Variants in UBE2E1 observed in about 807,000 individuals in gnomAD.
UBE2E1 encodes ubiquitin conjugating enzyme E2 E1.
Under a neutral mutation model 21.4 loss-of-function variants are expected in UBE2E1, and 6 were observed. The observed-to-expected ratio is 0.28, with a 90% confidence interval of 0.15 to 0.55. UBE2E1 has a LOEUF of 0.55. Ranked by LOEUF, UBE2E1 falls within the 20% of genes least tolerant of loss-of-function variation. The pLI, the probability that UBE2E1 is intolerant of heterozygous loss-of-function variation, is 0.93. For synonymous variants in UBE2E1, 87 were observed against 82.7 expected, an observed-to-expected ratio of 1.05 and a Z score of -0.28; for missense variants, 142 against 236.5, an observed-to-expected ratio of 0.60 and a Z score of 2.62.
chr3:23,854,459 G>A (rs1373344500), intron 3 of UBE2E1, among the ~76,000 whole-genome samples: 2 of 152,188 alleles, frequency 1.3e-5, no homozygotes, highest in African/African-American at 4.8e-5. Context: ...TGAGGGGTTA[G>A]TGAGAAACTC....
At chr3:23,854,673 T>C (rs1325569941) in intron 3 of UBE2E1, among the ~76,000 whole-genome samples, 2 of 152,238 alleles carry the variant, frequency 1.3e-5, no homozygotes, top group Non-Finnish European at 2.9e-5. Flanking sequence ...TACATTAGGC[T>C]CTGTCTTATT....
rs370250822 is a variant in UBE2E1, at chr3:23,849,359, C to CT, written c.203+37852dup. Among the ~76,000 whole-genome samples the CT allele has an allele frequency of 2.7e-3, 404 of 152,098 alleles. 4 individuals carry two copies. Among genetic ancestry groups the CT allele is most frequent in the African/African-American group, 8.9e-3 (371 of 41,498 alleles). On this transcript the variant is annotated intron_variant, in intron 3 of 5. Transcript: ENST00000306627. ...TTTTTAAATTTCTTTTTGAATTTTACTTTAAGTTTTGGGATACATGTGCAG... is the reference window on the plus strand; with the variant it reads ...TTTTTAAATTTCTTTTTGAATTTTACTTTTAAGTTTTGGGATACATGTGCAG...
In UBE2E1 at chr3:23,806,116, GCC is replaced by G. The variant is rs1559472065; in HGVS notation, c.-34+33_-34+34del. 6.7e-6 allele frequency: 1 copy of G among 148,212 alleles called. No homozygotes were observed. The highest frequency in any genetic ancestry group is 6.7e-5 in the Admixed American group (1 of 14,920). 9.2% of individuals were successfully genotyped at this position (148,212 alleles called of 1,614,324 possible). ...ACGGGGATCCCCCCAGCGGCCCGCC[GCC>G]CCCCGGCCGCGCCGCCGGGCCTCGG... On this transcript the variant is annotated intron_variant, in intron 1 of 5. Coordinates refer to ENST00000306627, the MANE Select transcript of UBE2E1 (RefSeq NM_003341.5). The surrounding 1 kb of genome is among the most constrained non-coding windows in gnomAD (Gnocchi z 6.5).
rs572686321 is a variant in UBE2E1, at chr3:23,847,736, C to A, written c.203+36226C>A. ...GGTCTCGATCTTCTGACCTCGTGAT[C>A]CACCCACCTCGGCCTCCCAAAGTGC... On this transcript the variant is annotated intron_variant, in intron 3 of 5. Coordinates refer to ENST00000306627, the MANE Select transcript of UBE2E1 (RefSeq NM_003341.5). Among the ~76,000 whole-genome samples, 11 of 152,140 alleles carry A rather than the reference C, an allele frequency of 7.2e-5. No homozygotes were observed. The South Asian group carries it at 2.1e-3, about 29-fold the overall frequency.
In UBE2E1 at chr3:23,810,470, C is replaced by T. The variant is rs1699361390; in HGVS notation, c.153-990C>T. 6.5e-7 allele frequency: 1 copy of T among 1,535,410 alleles called. No individual in the cohort carries two copies. The highest frequency in any genetic ancestry group is 1.4e-5 in the African/African-American group (1 of 72,954). On this transcript the variant is annotated intron_variant, in intron 2 of 5. Transcript: ENST00000306627. The surrounding 1 kb of genome is among the most constrained non-coding windows in gnomAD (Gnocchi z 5.8). ...TCTATCCCCAGTGTGAGCTAGAGAG[C>T]GGACCATGAAGGAAGTGGGCAGACC...
chr3:23,889,455 T>A, intron 5 of UBE2E1, 196 bp downstream of exon 5: 1 of 1,419,198 alleles, frequency 7.0e-7, no homozygotes, highest in Non-Finnish European at 9.1e-7. Context: ...CAGTATATTC[T>A]AGCAACAAGG....
intron 3 of UBE2E1, among the ~76,000 whole-genome samples, chr3:23,869,817 AAC>A (rs1475762738): frequency 6.6e-6 from 1 of 151,956 alleles, no homozygotes; most frequent in Non-Finnish European, 1.5e-5. Context: ...AATTGGGCAG[AAC>A]ACTTGCCTCA....
intron 3 of UBE2E1, among the ~76,000 whole-genome samples, chr3:23,843,035 A>G (rs1286962661): frequency 6.6e-6 from 1 of 151,376 alleles, no homozygotes; most frequent in Non-Finnish European, 1.5e-5. Flanking sequence ...ATATAAAAAT[A>G]TATATTATAG....
At chr3:23,807,198 T>A (rs1289570056) in intron 1 of UBE2E1, 39 bp from the exon 2 acceptor site, 1 of 1,502,354 alleles carries the variant, frequency 6.7e-7, no homozygotes, top group Non-Finnish European at 8.9e-7. Flanking sequence ...ACTGGCTGCA[T>A]GGTTTGTGTG....
chr3:23,863,565 T>A lies in UBE2E1; in HGVS notation c.204-24002T>A, dbSNP rs1700597004. On this transcript the variant is annotated intron_variant, in intron 3 of 5. Transcript: ENST00000306627. This position sits in a 1 kb window ranked among gnomAD's most constrained non-coding sequence, Gnocchi z 4.3. ...ATTTTTTTGAGACGGAGTTTCGCTC[T>A]TGTTGCGCAGGCTGGAGTGCAGTGG... 6.6e-6 allele frequency among the ~76,000 whole-genome samples: 1 copy of A among 152,172 alleles called. No homozygotes were observed. The highest frequency in any genetic ancestry group is 6.5e-5 in the Admixed American group (1 of 15,282).
rs1267834761 is a variant in UBE2E1, at chr3:23,816,418, C to G, written c.203+4908C>G. Among the ~76,000 whole-genome samples, 2 of 152,118 alleles carry G rather than the reference C, an allele frequency of 1.3e-5. No homozygotes were observed. Among genetic ancestry groups the G allele is most frequent in the African/African-American group, 4.8e-5 (2 of 41,440 alleles). On this transcript the variant is annotated intron_variant, in intron 3 of 5. Transcript: ENST00000306627. The surrounding 1 kb of genome is among the most constrained non-coding windows in gnomAD (Gnocchi z 4.8). Reference sequence around the variant, plus strand: ...AACATGGTTGAACCTTAATGTTATACTAAGTGGGCTGGGCGCAGTGGATTA... The same window carrying G: ...AACATGGTTGAACCTTAATGTTATAGTAAGTGGGCTGGGCGCAGTGGATTA...
chr3:23,856,867 G>T (rs1254884750), intron 3 of UBE2E1, among the ~76,000 whole-genome samples: 1 of 152,096 alleles, frequency 6.6e-6, no homozygotes, highest in East Asian at 1.9e-4. Context: ...GTTGAGTGCA[G>T]CCGATCACCT....
At position 23,842,693 on chromosome 3, in the gene UBE2E1, G is replaced by T. The variant is rs1478261093; in HGVS notation, c.203+31183G>T. On this transcript the variant is annotated intron_variant, in intron 3 of 5. Coordinates refer to ENST00000306627, the MANE Select transcript of UBE2E1 (RefSeq NM_003341.5). This position sits in a 1 kb window ranked among gnomAD's most constrained non-coding sequence, Gnocchi z 4.6. ...AATCTCATTATCACAAATTACAAGTGCGCTATTCGGTTTTTAAAAATTTTA... is the reference window on the plus strand; with the variant it reads ...AATCTCATTATCACAAATTACAAGTTCGCTATTCGGTTTTTAAAAATTTTA... Among the ~76,000 whole-genome samples the T allele has an allele frequency of 6.6e-6, 1 of 152,060 alleles. No homozygotes were observed. The highest frequency in any genetic ancestry group is 1.5e-5 in the Non-Finnish European group (1 of 68,026).
At chr3:23,889,722 T>C (rs974808606) in intron 5 of UBE2E1, 26 of 985,250 alleles carry the variant, frequency 2.6e-5, no homozygotes, top group South Asian at 4.7e-5. Context: ...GACTATTGAA[T>C]TGTGACTTTT....
intron 3 of UBE2E1, among the ~76,000 whole-genome samples, chr3:23,867,836 T>C (rs1700692912): frequency 6.6e-6 from 1 of 152,182 alleles, no homozygotes; most frequent in South Asian, 2.1e-4. Flanking sequence ...TTAGTCTGAG[T>C]ATTTCCAAAT....
At chr3:23,827,006 G>T (rs1177626491) in intron 3 of UBE2E1, among the ~76,000 whole-genome samples, 1 of 152,122 alleles carries the variant, frequency 6.6e-6, no homozygotes, top group Non-Finnish European at 1.5e-5. Context: ...TAAAGGACCA[G>T]TTTCTCATGA....
chr3:23,890,729 C>A lies in UBE2E1; in HGVS notation c.*123C>A. ...GGGTATTTCTATAACAGATATTATT[C>A]AGTCTTATTTCCTAAGATTTTGTTG... On this transcript the variant is annotated 3_prime_UTR_variant, in exon 6 of 6. Transcript: ENST00000306627. 1.2e-6 allele frequency: 1 copy of A among 820,794 alleles called. No individual in the cohort carries two copies. Among genetic ancestry groups the A allele is most frequent in the Non-Finnish European group, 1.8e-6 (1 of 563,886 alleles). The allele number at this position is 820,794 out of a possible 1,614,324, so 50.8% of individuals were successfully genotyped here.
intron 3 of UBE2E1, among the ~76,000 whole-genome samples, chr3:23,828,370 G>GT (rs1393874591): frequency 6.6e-6 from 1 of 152,134 alleles, no homozygotes; most frequent in African/African-American, 2.4e-5. Context: ...GTATGTAAAT[G>GT]TAATATAACA....
At chr3:23,880,807 A>G (rs779626136) in intron 3 of UBE2E1, among the ~76,000 whole-genome samples, 4 of 152,240 alleles carry the variant, frequency 2.6e-5, no homozygotes, top group Non-Finnish European at 5.9e-5. Context: ...AAGTCAGTCC[A>G]GGGAACACAA....
Sources: gnomAD v4.1 joint callset for allele counts (sites outside exome capture counted in the v4.1 genomes callset) on GRCh38, gnomAD v4.1.1 for gene constraint, Gnocchi (gnomAD v3.1) non-coding constraint, MANE v1.5 for transcripts, NCBI Gene and HGNC (gene_info 2026-07-23, HGNC 2026-07-21) for gene names.